ELAPOR1: variants seen among roughly 807,000 people sequenced by gnomAD.
The protein encoded by ELAPOR1 is endosome/lysosome-associated apoptosis and autophagy regulator 1.
ELAPOR1 carries 77 observed loss-of-function variants against 119.7 expected under a neutral mutation model. The ratio of observed to expected loss-of-function variants is 0.64; its 90% CI spans 0.54 to 0.78. The LOEUF (loss-of-function observed/expected upper bound fraction) is 0.78. ELAPOR1 is among the 30% of genes least tolerant of loss of function. The pLI, the probability that ELAPOR1 is intolerant of heterozygous loss-of-function variation, is 0.00. For synonymous variants in ELAPOR1, 481 were observed against 487.2 expected, an observed-to-expected ratio of 0.99 and a Z score of 0.17; for missense variants, 1,115 against 1,270.4, an observed-to-expected ratio of 0.88 and a Z score of 1.86.
At chr1:109,143,142 C>G (rs1338383584) in intron 1 of ELAPOR1, among the ~76,000 whole-genome samples, 1 of 152,112 alleles carries the variant, frequency 6.6e-6, no homozygotes, top group African/African-American at 2.4e-5. Flanking sequence ...TAGAGATAGG[C>G]TTTTGCCATA....
At chr1:109,173,362 A>C in intron 5 of ELAPOR1, 112 bp from the exon 6 acceptor site, 1 of 836,226 alleles carries the variant, frequency 1.2e-6, no homozygotes, top group Admixed American at 2.1e-5. Context: ...GAGGGTCAGA[A>C]GAAGCATTAC....
Position 109,203,202 on chromosome 1 carries a change from C to A in ELAPOR1, c.*190C>A, listed in dbSNP as rs561036239. On this transcript the variant is annotated 3_prime_UTR_variant, in exon 22 of 22. Transcript: ENST00000369939. ...CTCCTTTCTGCTTGCCTCAAACCTGCCAAATATACCCACACTTTGTTTGTA... is the reference window on the plus strand; with the variant it reads ...CTCCTTTCTGCTTGCCTCAAACCTGACAAATATACCCACACTTTGTTTGTA... The A allele has an allele frequency of 3.6e-6, 2 of 549,394 alleles. No individual in the cohort carries two copies. The highest frequency in any genetic ancestry group is 6.5e-6 in the Non-Finnish European group (2 of 308,676). The allele number at this position is 549,394 out of a possible 1,614,324, so 34.0% of individuals were successfully genotyped here.
intron 1 of ELAPOR1, among the ~76,000 whole-genome samples, chr1:109,135,848 T>C (rs533989236): frequency 3.9e-5 from 6 of 152,262 alleles, no homozygotes; most frequent in African/African-American, 1.4e-4. Context: ...AGCTGGGTGG[T>C]GGGACGAGAC....
intron 7 of ELAPOR1, among the ~76,000 whole-genome samples, chr1:109,175,970 T>C (rs1247364885): frequency 6.6e-6 from 1 of 152,202 alleles, no homozygotes; most frequent in Non-Finnish European, 1.5e-5. Flanking sequence ...CAAGAAGATT[T>C]TGATAACAAG....
intron 7 of ELAPOR1, among the ~76,000 whole-genome samples, chr1:109,178,026 T>TTTTG (rs1652457440): frequency 6.6e-6 from 1 of 150,862 alleles, no homozygotes; most frequent in Non-Finnish European, 1.5e-5. Context: ...TTTTTTTTTT[T>TTTTG]GAGATGGAGT....
In ELAPOR1 at chr1:109,194,477, T is replaced by G; in HGVS notation, c.2004T>G (p.Thr668=). The part of the protein sequence containing the change: ...CTFSRNTPTR[T]FNYNFSALAN... ...TCTCACGCAACACTCCGACCAGGAC[T>G]TTCAACTACAACTTCTCCGCTTTGG... Residue 668 remains threonine, a synonymous_variant, in exon 15 of 22, where the codon ACT becomes ACG. Transcript: ENST00000369939. The G allele has an allele frequency of 6.2e-7, 1 of 1,613,826 alleles. No homozygotes were observed. Among genetic ancestry groups the G allele is most frequent in the Non-Finnish European group, 8.5e-7 (1 of 1,179,666 alleles).
chr1:109,186,180 T>G (rs571752598), intron 8 of ELAPOR1, among the ~76,000 whole-genome samples: 1 of 151,726 alleles, frequency 6.6e-6, no homozygotes, highest in South Asian at 2.1e-4. Context: ...AGCAGAGACC[T>G]GAAGGAGATG....
At chr1:109,173,445 G>T in intron 5 of ELAPOR1, 29 bp from the exon 6 acceptor site, 1 of 1,584,608 alleles carries the variant, frequency 6.3e-7, no homozygotes, top group Non-Finnish European at 8.7e-7. Flanking sequence ...TCTCTGTGAT[G>T]AATGAATGCT....
chr1:109,186,239 G>A (rs1337885542), intron 8 of ELAPOR1, among the ~76,000 whole-genome samples: 2 of 152,124 alleles, frequency 1.3e-5, no homozygotes, highest in Non-Finnish European at 2.9e-5. Flanking sequence ...CAGGAGAGGA[G>A]GCGGCAGCTG....
Position 109,192,812 on chromosome 1 carries a change from G to C in ELAPOR1, c.1885G>C (p.Ala629Pro). Residue 629 changes from alanine (A) to proline (P), a missense_variant, in exon 14 of 22, where the codon GCC becomes CCC. Physicochemically the swap from Ala to Pro is conservative, Grantham distance 27. Transcript: ENST00000369939. ...CTGCCCCACTAACACAATTCTGAAA[G>C]CCCACCAGCCTTATGGTGTCCAGGC... ...HSCPTNTILK[A>P]HQPYGVQACV... 1 of 1,614,012 alleles carries C rather than the reference G, an allele frequency of 6.2e-7. No individual in the cohort carries two copies. Among genetic ancestry groups the C allele is most frequent in the Non-Finnish European group, 8.5e-7 (1 of 1,180,022 alleles).
At chr1:109,180,967 A>G (rs1043811917) in intron 7 of ELAPOR1, among the ~76,000 whole-genome samples, 4 of 152,228 alleles carry the variant, frequency 2.6e-5, no homozygotes, top group Non-Finnish European at 4.4e-5. Flanking sequence ...TGTCTCTAAA[A>G]AAAAGAAAAG....
chr1:109,163,813 C>T (rs1651411598), intron 2 of ELAPOR1, among the ~76,000 whole-genome samples: 1 of 152,148 alleles, frequency 6.6e-6, no homozygotes, highest in African/African-American at 2.4e-5. Context: ...TTCCACCTAG[C>T]ATGGTGGCAG....
chr1:109,178,982 A>C (rs1020701359), intron 7 of ELAPOR1, among the ~76,000 whole-genome samples: 1 of 149,458 alleles, frequency 6.7e-6, no homozygotes, highest in African/African-American at 2.5e-5. Context: ...AAAAGAATGT[A>C]GTGGAGGCAA....
At position 109,194,403 on chromosome 1, in the gene ELAPOR1, C is replaced by G. The variant is rs760025537; in HGVS notation, c.1948-18C>G. The stretch of plus-strand genomic sequence containing the variant: ...CCCTTCCTGACCAGCTGGCCCGACC[C>G]GTCCCTCTCCCCCTCAGATCCACTC... On this transcript the variant is annotated intron_variant, in intron 14 of 21. Coordinates refer to ENST00000369939, the MANE Select transcript of ELAPOR1 (RefSeq NM_020775.5). 9 of 1,610,830 alleles carry G rather than the reference C, an allele frequency of 5.6e-6. 1 individual carries two copies. In the South Asian group the frequency reaches 8.8e-5, roughly 16 times the overall value.
At chr1:109,149,227 C>T (rs1023666218) in intron 1 of ELAPOR1, among the ~76,000 whole-genome samples, 10 of 151,956 alleles carry the variant, frequency 6.6e-5, no homozygotes, top group South Asian at 2.1e-4. Context: ...GAAATGTCAG[C>T]GGGGCTCCTT....
chr1:109,139,860 C>T (rs140417521), intron 1 of ELAPOR1, among the ~76,000 whole-genome samples: 11,077 of 152,098 alleles, frequency 0.073, 452 homozygotes, highest in Non-Finnish European at 0.09. Flanking sequence ...CAACCTCTGA[C>T]TCCCGGGCTC....
Position 109,161,931 on chromosome 1 carries a change from C to T in ELAPOR1, c.191C>T (p.Thr64Met), listed in dbSNP as rs752023385. ...YHYEYTACDS[T>M]GSRWRVAVPH... ...TATGAGTACACGGCGTGTGACAGCACGGGTTCCAGGTGGAGGGTCGCCGTG... is the reference window on the plus strand; with the variant it reads ...TATGAGTACACGGCGTGTGACAGCATGGGTTCCAGGTGGAGGGTCGCCGTG... Residue 64 changes from threonine (T) to methionine (M), a missense_variant, in exon 2 of 22, where the codon ACG (threonine) becomes ATG (methionine). Coordinates refer to ENST00000369939, the MANE Select transcript of ELAPOR1 (RefSeq NM_020775.5). 55 of 1,613,894 alleles carry T rather than the reference C, an allele frequency of 3.4e-5. No homozygotes were observed. Among genetic ancestry groups the T allele is most frequent in the South Asian group, 1.2e-4 (11 of 91,082 alleles).
At chr1:109,129,296 G>A (rs1360693691) in intron 1 of ELAPOR1, among the ~76,000 whole-genome samples, 1 of 152,128 alleles carries the variant, frequency 6.6e-6, no homozygotes, top group Non-Finnish European at 1.5e-5. Context: ...GATAACCTGA[G>A]GTCAGGAGTT....
intron 1 of ELAPOR1, among the ~76,000 whole-genome samples, chr1:109,144,474 C>T (rs1178707577): frequency 1.3e-5 from 2 of 152,108 alleles, no homozygotes; most frequent in Non-Finnish European, 2.9e-5. Context: ...GGTGCAGTGG[C>T]TCATGCCTGT....
Sources: allele counts gnomAD v4.1 joint callset (sites outside exome capture counted in the v4.1 genomes callset), GRCh38; gene constraint gnomAD v4.1.1; transcripts MANE v1.5; gene names NCBI Gene and HGNC (gene_info 2026-07-23, HGNC 2026-07-21).